SYT10: variants seen among roughly 807,000 people sequenced by gnomAD.
The protein encoded by SYT10 is synaptotagmin-10.
SYT10 carries 31 observed loss-of-function variants against 51.1 expected under a neutral mutation model. The observed-to-expected ratio is 0.61, with a 90% CI of 0.46 to 0.82. The LOEUF is 0.82. Among genes scored for constraint, SYT10 ranks in the 40% least tolerant of loss-of-function variants. SYT10 has a pLI of 0.00. For missense variants in SYT10, 603 were observed against 634.0 expected (o/e 0.95, Z 0.53); for synonymous variants, 233 against 225.9 (o/e 1.03, Z -0.28).
chr12:33,406,772 G>C lies in SYT10; in HGVS notation c.1077+17C>G, dbSNP rs758034056. ...AAGTCAAATAAAAAACAATATATTG[G>C]TGGAATTACTACTTACTGTGGTAGC... is the stretch of plus-strand genomic sequence containing the variant. On this transcript the variant is annotated intron_variant, in intron 3 of 6. Coordinates refer to ENST00000228567, the MANE Select transcript of SYT10 (RefSeq NM_198992.4). 1 of 1,563,624 alleles carries C rather than the reference G, an allele frequency of 6.4e-7. No individual in the cohort carries two copies. The highest frequency in any genetic ancestry group is 2.2e-5 in the East Asian group (1 of 44,514).
Position 33,378,344 on chromosome 12 carries a change from TAATA to T in SYT10, c.1501-1447_1501-1444del, listed in dbSNP as rs141892966. Among the ~76,000 whole-genome samples, 184 of 152,336 alleles carry T rather than the reference TAATA, an allele frequency of 1.2e-3. No homozygotes were observed. In the East Asian group the frequency reaches 0.031, roughly 26 times the overall value. On this transcript the variant is annotated intron_variant, in intron 6 of 6. Coordinates refer to ENST00000228567, the MANE Select transcript of SYT10 (RefSeq NM_198992.4). ...AAAAGTAAAGCTGCTTACTAAGCAC[TAATA>T]AATAATTAATATGCCTTGGGTCATA...
intron 5 of SYT10, among the ~76,000 whole-genome samples, chr12:33,380,867 C>T (rs1163867325): frequency 6.6e-6 from 1 of 152,136 alleles, no homozygotes; most frequent in Non-Finnish European, 1.5e-5. Context: ...TGACAGACAT[C>T]TCCAAAGATA....
chr12:33,407,725 C>T (rs143607418), intron 2 of SYT10: 2 of 174,036 alleles, frequency 1.1e-5, no homozygotes, highest in East Asian at 3.3e-4. Flanking sequence ...CTGGCCTCCG[C>T]CTCCTGAGTA....
intron 1 of SYT10, among the ~76,000 whole-genome samples, chr12:33,431,738 G>A (rs1866598439): frequency 6.6e-6 from 1 of 152,164 alleles, no homozygotes. Flanking sequence ...CATAGAATAA[G>A]TCCAAGTGGC....
Position 33,439,651 on chromosome 12 carries a change from C to T in SYT10, c.-129G>A. The T allele has an allele frequency of 4.2e-6, 5 of 1,203,862 alleles. No individual in the cohort carries two copies. The South Asian group carries it at 7.5e-5, about 18-fold the overall frequency. The allele number at this position is 1,203,862 out of a possible 1,614,324, so 74.6% of individuals were successfully genotyped here. A position where few individuals can be genotyped will look rare whatever the true frequency, so the allele number is the denominator to read the frequency against. ...GTGACTTTGGCTGGAGATTGCGCCG[C>T]TGAGAGCCGGCAACTCTTAGGAGCC... On this transcript the variant is annotated 5_prime_UTR_variant, in exon 1 of 7. Transcript: ENST00000228567.
chr12:33,439,576 C>G lies in SYT10; in HGVS notation c.-54G>C. On this transcript the variant is annotated 5_prime_UTR_variant, in exon 1 of 7. Coordinates refer to ENST00000228567, the MANE Select transcript of SYT10 (RefSeq NM_198992.4). ...TTTTCCCAGTTAGCCGTCTTTTCCTCTTCCCGTACCTCTAACCCCTCTGGC... is the reference window on the plus strand; with the variant it reads ...TTTTCCCAGTTAGCCGTCTTTTCCTGTTCCCGTACCTCTAACCCCTCTGGC... 1 of 1,588,284 alleles carries G rather than the reference C, an allele frequency of 6.3e-7. No individual in the cohort carries two copies. Among genetic ancestry groups the G allele is most frequent in the East Asian group, 2.2e-5 (1 of 44,450 alleles).
In SYT10 at chr12:33,394,423, T is replaced by TA. The variant is rs1321873905; in HGVS notation, c.1078-9133dup. On this transcript the variant is annotated intron_variant, in intron 3 of 6. Transcript: ENST00000228567. ...TTTCAAAATATGAGGGTAATACATT[T>TA]AAGAAATCTAAATATTAGGGCAAGA... Among the ~76,000 whole-genome samples, 3 of 152,226 alleles carry TA rather than the reference T, an allele frequency of 2.0e-5. No homozygotes were observed. In the East Asian group the frequency reaches 5.8e-4, roughly 29 times the overall value.
At position 33,407,007 on chromosome 12, in the gene SYT10, C is replaced by G; in HGVS notation, c.859G>C (p.Val287Leu). 6.2e-7 allele frequency: 1 copy of G among 1,614,064 alleles called. No individual in the cohort carries two copies. The highest frequency in any genetic ancestry group is 8.5e-7 in the Non-Finnish European group (1 of 1,180,016). ...AGAGGATTTAAAGTCTTTCTGTGCA[C>G]GCGGGTCTGAAATTTCTTTTTCCTA... ...PDRKKKFQTR[V>L]HRKTLNPLFD... is the part of the protein sequence containing the mutation. The change falls in exon 3 of 7, where the codon GTG becomes CTG. Residue 287 changes from valine (V) to leucine (L), a missense_variant. Val to Leu is a conservative substitution (Grantham distance 32). Coordinates refer to ENST00000228567, the MANE Select transcript of SYT10 (RefSeq NM_198992.4).
intron 2 of SYT10, among the ~76,000 whole-genome samples, chr12:33,413,125 T>A (rs187620442): frequency 2.6e-5 from 4 of 151,862 alleles, no homozygotes; most frequent in Admixed American, 1.3e-4. Flanking sequence ...AGAAGAGAAG[T>A]TTAGAGAAAA....
intron 2 of SYT10, among the ~76,000 whole-genome samples, chr12:33,424,880 A>G (rs1314609832): frequency 6.6e-6 from 1 of 152,088 alleles, no homozygotes; most frequent in African/African-American, 2.4e-5. Flanking sequence ...TAAACACAAA[A>G]TATGAGGCAT....
intron 6 of SYT10, among the ~76,000 whole-genome samples, chr12:33,377,996 G>A (rs571577512): frequency 6.6e-6 from 1 of 152,004 alleles, no homozygotes; most frequent in Non-Finnish European, 1.5e-5. Context: ...TCAAATAACT[G>A]TTCCCTTCTC....
intron 5 of SYT10, among the ~76,000 whole-genome samples, chr12:33,381,486 A>G (rs1866115195): frequency 6.6e-6 from 1 of 152,230 alleles, no homozygotes; most frequent in Admixed American, 6.5e-5. Flanking sequence ...GATTTTATAA[A>G]TATAAAGGGC....
intron 5 of SYT10, 57 bp from the exon 6 acceptor site, chr12:33,380,018 T>G: frequency 6.6e-7 from 1 of 1,521,482 alleles, no homozygotes; most frequent in Non-Finnish European, 8.9e-7. Flanking sequence ...AAAGGGGGTT[T>G]CACAAATCGT....
At chr12:33,439,309 T>C (rs1158259532) in intron 1 of SYT10, 63 bp downstream of exon 1, 12 of 1,556,832 alleles carry the variant, frequency 7.7e-6, no homozygotes, top group Non-Finnish European at 1.0e-5. Context: ...ACCCCGGAGC[T>C]TGCAGCCTAG....
At chr12:33,410,869 T>C (rs1178884336) in intron 2 of SYT10, among the ~76,000 whole-genome samples, 1 of 152,172 alleles carries the variant, frequency 6.6e-6, no homozygotes, top group Admixed American at 6.5e-5. Flanking sequence ...CTAAAACATT[T>C]TCACAATAAA....
At chr12:33,383,547 G>T (rs1866133730) in intron 4 of SYT10, among the ~76,000 whole-genome samples, 1 of 152,120 alleles carries the variant, frequency 6.6e-6, no homozygotes, top group Non-Finnish European at 1.5e-5. Context: ...TCATGTTAAT[G>T]TCTGTTTCCT....
chr12:33,420,203 T>G (rs1352436992), intron 2 of SYT10, among the ~76,000 whole-genome samples: 2 of 152,238 alleles, frequency 1.3e-5, no homozygotes, highest in Admixed American at 6.5e-5. Flanking sequence ...GATTTGTCTT[T>G]CACTCTCCAA....
chr12:33,422,273 T>G (rs755203546), intron 2 of SYT10, among the ~76,000 whole-genome samples: 1 of 152,164 alleles, frequency 6.6e-6, no homozygotes, highest in Non-Finnish European at 1.5e-5. Context: ...ATGGAATTAC[T>G]GAAGTGCCAC....
chr12:33,379,695 A>T, intron 6 of SYT10, 137 bp downstream of exon 6: 1 of 1,208,172 alleles, frequency 8.3e-7, no homozygotes, highest in Non-Finnish European at 1.1e-6. Context: ...ACAATGTGGG[A>T]CAAAAGCAAG....
Sources: gnomAD v4.1 joint callset for allele counts (sites outside exome capture counted in the v4.1 genomes callset) on GRCh38, gnomAD v4.1.1 for gene constraint, MANE v1.5 for transcripts, NCBI Gene and HGNC (gene_info 2026-07-23, HGNC 2026-07-21) for gene names.